NBEA: variants seen among roughly 807,000 people sequenced by gnomAD.
NBEA encodes lysosomal-trafficking regulator 2.
Under a neutral mutation model 343.4 loss-of-function variants are expected in NBEA, and 44 were observed. The ratio of observed to expected loss-of-function variants is 0.13; its 90% CI spans 0.10 to 0.16. The LOEUF (loss-of-function observed/expected upper bound fraction) is 0.16, where lower values mean the gene tolerates loss of function less well. NBEA is among the 10% of genes least tolerant of loss of function. NBEA has a pLI of 1.00. For synonymous variants in NBEA, 1,175 were observed against 1,238.7 expected (o/e 0.95, Z 1.08); for missense variants, 2,555 against 3,631.3 (o/e 0.70, Z 7.62).
intron 41 of NBEA, among the ~76,000 whole-genome samples, chr13:35,527,606 C>T (rs78443923): frequency 0.022 from 3,355 of 152,326 alleles, 37 homozygotes; most frequent in South Asian, 0.042. Context: ...CACACACACC[C>T]GGCTGGGTCA....
At chr13:35,435,778 G>T (rs1206324017) in intron 39 of NBEA, among the ~76,000 whole-genome samples, 1 of 152,140 alleles carries the variant, frequency 6.6e-6, no homozygotes, top group East Asian at 1.9e-4. Context: ...TGTAATATTA[G>T]GTATTAGTGG....
Position 35,516,488 on chromosome 13 carries a change from A to G in NBEA, c.6586-33989A>G, listed in dbSNP as rs192882829. Among the ~76,000 whole-genome samples, 173 of 152,318 alleles carry G rather than the reference A, an allele frequency of 1.1e-3. 1 individual carries two copies. The highest frequency in any genetic ancestry group is 3.8e-3 in the African/African-American group (156 of 41,588). On this transcript the variant is annotated intron_variant, in intron 41 of 58. Coordinates refer to ENST00000379939, the MANE Select transcript of NBEA (RefSeq NM_001385012.1). ...GAACTAGAATTTCCATTTTAGTTCT[A>G]TAAATGGGAAATTTGAGGAGCAGAA...
chr13:35,145,498 A>T (rs765830857), intron 18 of NBEA, among the ~76,000 whole-genome samples: 1 of 152,152 alleles, frequency 6.6e-6, no homozygotes, highest in Non-Finnish European at 1.5e-5. Context: ...GCATACAAGG[A>T]TGTCATCCAC....
At chr13:35,407,224 C>G (rs1252843148) in intron 38 of NBEA, among the ~76,000 whole-genome samples, 1 of 151,986 alleles carries the variant, frequency 6.6e-6, no homozygotes, top group East Asian at 1.9e-4. Context: ...CTCAGCCTCC[C>G]AAAGTGCTGG....
intron 2 of NBEA, 131 bp from the exon 3 acceptor site, chr13:35,044,816 A>G: frequency 2.9e-6 from 1 of 346,444 alleles, no homozygotes; most frequent in Non-Finnish European, 5.1e-6. Context: ...TATTAGATAC[A>G]TATATATATA....
In NBEA at chr13:35,420,440, T is replaced by G. The variant is rs550703480; in HGVS notation, c.6180-11829T>G. ...CACTACATTGATTCTTAAGGATTTT[T>G]TTGTCTATATAAAGGATGGATATTG... On this transcript the variant is annotated intron_variant, in intron 38 of 58. Coordinates refer to ENST00000379939, the MANE Select transcript of NBEA (RefSeq NM_001385012.1). 7.2e-5 allele frequency among the ~76,000 whole-genome samples: 11 copies of G among 152,156 alleles called. No homozygotes were observed. The South Asian group carries it at 2.3e-3, about 32-fold the overall frequency.
intron 41 of NBEA, among the ~76,000 whole-genome samples, chr13:35,542,739 A>G (rs2078891621): frequency 6.6e-6 from 1 of 152,088 alleles, no homozygotes; most frequent in Non-Finnish European, 1.5e-5. Context: ...GATATCCAGT[A>G]TGTTCTAAAT....
At chr13:35,424,465 A>G (rs2044514875) in intron 38 of NBEA, among the ~76,000 whole-genome samples, 2 of 152,156 alleles carry the variant, frequency 1.3e-5, no homozygotes, top group African/African-American at 4.8e-5. Context: ...TGATTTGCGT[A>G]TGTTGAACCA....
At chr13:35,284,504 A>C (rs909443471) in intron 34 of NBEA, among the ~76,000 whole-genome samples, 4 of 152,176 alleles carry the variant, frequency 2.6e-5, no homozygotes, top group African/African-American at 9.7e-5. Context: ...TTTGTAATAC[A>C]GTTTTAAAAT....
intron 1 of NBEA, among the ~76,000 whole-genome samples, chr13:34,994,147 G>A (rs368477377): frequency 2.9e-5 from 4 of 136,060 alleles, no homozygotes; most frequent in East Asian, 2.3e-4. Flanking sequence ...GCAGTGAGCC[G>A]AGGTCATGCC....
intron 30 of NBEA, chr13:35,186,645 A>C (rs1194955543): frequency 6.6e-6 from 1 of 152,188 alleles, no homozygotes; most frequent in Non-Finnish European, 1.5e-5. Flanking sequence ...TTCACCTTAG[A>C]TTAGATAAAT....
chr13:35,626,541 C>T (rs1432030422), intron 48 of NBEA, among the ~76,000 whole-genome samples: 1 of 152,102 alleles, frequency 6.6e-6, no homozygotes, highest in East Asian at 1.9e-4. Context: ...TTATCTGATT[C>T]CATAACTAAA....
At chr13:35,278,714 G>A (rs147666545) in intron 34 of NBEA, among the ~76,000 whole-genome samples, 296 of 152,238 alleles carry the variant, frequency 1.9e-3, no homozygotes, top group Admixed American at 3.8e-3. Flanking sequence ...CTGAAGGAAG[G>A]ACTTAGAACC....
chr13:35,523,154 C>A (rs1305694481), intron 41 of NBEA, among the ~76,000 whole-genome samples: 3 of 151,956 alleles, frequency 2.0e-5, no homozygotes, highest in Non-Finnish European at 4.4e-5. Context: ...TTCTGAGTAC[C>A]CATTATATAC....
chr13:35,057,374 G>A (rs1362703705), intron 7 of NBEA, among the ~76,000 whole-genome samples: 1 of 152,042 alleles, frequency 6.6e-6, no homozygotes, highest in Non-Finnish European at 1.5e-5. Flanking sequence ...CCCTCCCCCT[G>A]TTTCTGGTTT....
intron 17 of NBEA, among the ~76,000 whole-genome samples, chr13:35,139,745 T>TA (rs2067970109): frequency 2.1e-5 from 1 of 47,196 alleles, no homozygotes; most frequent in Non-Finnish European, 3.8e-5. Context: ...ATGGATGGCG[T>TA]TTTTTTTTTT....
chr13:35,010,588 A>G (rs2061449732), intron 1 of NBEA, among the ~76,000 whole-genome samples: 1 of 149,550 alleles, frequency 6.7e-6, no homozygotes. Context: ...AAAAAAAAAA[A>G]AAAAAATAGA....
intron 41 of NBEA, among the ~76,000 whole-genome samples, chr13:35,511,294 G>C (rs1245222537): frequency 6.6e-6 from 1 of 152,104 alleles, no homozygotes; most frequent in Admixed American, 6.6e-5. Flanking sequence ...TGCTTACAAT[G>C]ACTGGACTTT....
intron 36 of NBEA, among the ~76,000 whole-genome samples, chr13:35,310,178 G>C (rs2037262974): frequency 6.6e-6 from 1 of 151,960 alleles, no homozygotes; most frequent in Admixed American, 6.6e-5. Context: ...ACTACAGAAT[G>C]CACGGTTTCA....
Sources: gnomAD v4.1 joint callset for allele counts (sites outside exome capture counted in the v4.1 genomes callset) on GRCh38, gnomAD v4.1.1 for gene constraint, MANE v1.5 for transcripts, NCBI Gene and HGNC (gene_info 2026-07-23, HGNC 2026-07-21) for gene names.